The following SIGLEC11 variants were observed in gnomAD, a reference collection of about 807,000 sequenced individuals.
The protein encoded by SIGLEC11 is sialic acid binding Ig like lectin 11, also known as sialic acid-binding Ig-like lectin 11.
SIGLEC11 carries 47 observed loss-of-function variants against 61.2 expected under a neutral mutation model. That is an observed-to-expected ratio of 0.77 (90% CI 0.61 to 0.98). SIGLEC11 has a LOEUF of 0.98. Ranked by LOEUF, SIGLEC11 falls within the 50% of genes least tolerant of loss-of-function variation. The pLI, the probability that SIGLEC11 is intolerant of heterozygous loss-of-function variation, is 0.00. For missense variants in SIGLEC11, 610 were observed against 870.3 expected (o/e 0.70, Z 3.76); for synonymous variants, 278 against 373.1 (o/e 0.75, Z 2.94).
At chr19:49,960,449 T>A (rs372508142) in intron 2 of SIGLEC11, 28 bp from the exon 3 acceptor site, 2 of 1,595,630 alleles carry the variant, frequency 1.3e-6, no homozygotes. Context: ...TGGGAGATTC[T>A]TGTGCTGCAG....
chr19:49,951,693 T>C lies in SIGLEC11; in HGVS notation c.1830+198A>G, dbSNP rs2076158962. 6.6e-6 allele frequency among the ~76,000 whole-genome samples: 1 copy of C among 151,994 alleles called. No individual in the cohort carries two copies. Among genetic ancestry groups the C allele is most frequent in the Non-Finnish European group, 1.5e-5 (1 of 67,964 alleles). On this transcript the variant is annotated intron_variant, in intron 10 of 10. Transcript: ENST00000447370. The surrounding 1 kb of genome is among the most constrained non-coding windows in gnomAD (Gnocchi z 4.6). ...GAGTATGGACAGGCCTGGGGGGCCC[T>C]TGGTTCTGGGAGGGGATGTAGGGAG...
At chr19:49,959,214 A>G (rs2076223241) in intron 5 of SIGLEC11, 137 bp from the exon 6 acceptor site, 4 of 1,429,358 alleles carry the variant, frequency 2.8e-6, no homozygotes, top group Non-Finnish European at 2.8e-6. Flanking sequence ...AGTCCCAGAC[A>G]CAAACTGCAT....
At position 49,950,919 on chromosome 19, in the gene SIGLEC11, G is replaced by C. The variant is rs552101932; in HGVS notation, c.1831-683C>G. Among the ~76,000 whole-genome samples the C allele has an allele frequency of 1.3e-3, 194 of 152,298 alleles. 4 individuals carry two copies. Among genetic ancestry groups the C allele is most frequent in the Non-Finnish European group, 4.6e-4 (31 of 68,014 alleles). On this transcript the variant is annotated intron_variant, in intron 10 of 10. Transcript: ENST00000447370. ...TGAGCTAGGAGCTCAAGAAAGAAAG[G>C]TTACTGGAAGTAAAGGATTCCCCTT...
chr19:49,954,986 A>C (rs2076185951), intron 8 of SIGLEC11, among the ~76,000 whole-genome samples: 1 of 152,206 alleles, frequency 6.6e-6, no homozygotes, highest in African/African-American at 2.4e-5. Context: ...CGAGAGCCCA[A>C]GTCAGTTTTA....
rs2076149660 is a variant in SIGLEC11, at chr19:49,950,124, C to T, written c.1943G>A (p.Ser648Asn). 1 of 1,613,072 alleles carries T rather than the reference C, an allele frequency of 6.2e-7. No individual in the cohort carries two copies. Among genetic ancestry groups the T allele is most frequent in the South Asian group, 1.1e-5 (1 of 90,986 alleles). ...CTCCCAGAGCCTCAGGCCCTGGAAG[C>T]TGAGGGAGGCATAGTGGAGCTCCTG... ...EEQELHYASL[S>N]FQGLRLWEPA... is the part of the protein sequence containing the mutation. Residue 648 changes from serine to asparagine, a missense_variant, in exon 11 of 11, where the codon AGC becomes AAC. Physicochemically the swap from Ser to Asn is conservative, Grantham distance 46. This residue lies in a region of SIGLEC11 where 432 missense variants were observed against 441.5 expected (regional missense o/e 0.98). Transcript: ENST00000447370.
intron 8 of SIGLEC11, among the ~76,000 whole-genome samples, chr19:49,956,648 A>G (rs75314562): frequency 6.6e-6 from 1 of 152,206 alleles, no homozygotes; most frequent in Non-Finnish European, 1.5e-5. Context: ...AAAAGACACA[A>G]ATTAACCCCC....
chr19:49,956,202 G>T (rs73053398), intron 8 of SIGLEC11, among the ~76,000 whole-genome samples: 1 of 152,162 alleles, frequency 6.6e-6, no homozygotes, highest in Non-Finnish European at 1.5e-5. Context: ...CAAGCGTCTG[G>T]CTCTTAAAAA....
At position 49,949,073 on chromosome 19, in the gene SIGLEC11, C is replaced by T. The variant is rs2076140946; in HGVS notation, c.*897G>A. 1 of 152,042 alleles carries T rather than the reference C, an allele frequency of 6.6e-6. No homozygotes were observed. The highest frequency in any genetic ancestry group is 6.6e-5 in the Admixed American group (1 of 15,256). 9.4% of individuals were successfully genotyped at this position (152,042 alleles called of 1,614,324 possible). On this transcript the variant is annotated 3_prime_UTR_variant, in exon 11 of 11. Coordinates refer to ENST00000447370, the MANE Select transcript of SIGLEC11 (RefSeq NM_052884.3). Reference sequence around the variant, plus strand: ...TGGGACGATCTCGGCTCACTGCAACCTCCACCTCCCGGGTTCAACCAATTC... The same window carrying T: ...TGGGACGATCTCGGCTCACTGCAACTTCCACCTCCCGGGTTCAACCAATTC...
rs753455716 is a variant in SIGLEC11 at position 49,960,583 on chromosome 19, G to C, written c.429C>G (p.Phe143Leu). The part of the protein sequence containing the change: ...VERGSRVRHS[F>L]LSNAFFLKVT... ...CTTTTAGAAAGAACGCATTGCTCAG[G>C]AAACTATGTCTCACACGGCTTCCTC... is the stretch of plus-strand genomic sequence containing the variant. Residue 143 changes from phenylalanine to leucine, a missense_variant, in exon 2 of 11, where the codon TTC becomes TTG. Around this residue, in one of 6 missense-constraint regions of SIGLEC11, gnomAD observed 99 missense variants for 131.6 expected, o/e 0.75. Transcript: ENST00000447370. The C allele has an allele frequency of 2.5e-6, 4 of 1,598,320 alleles. No individual in the cohort carries two copies. The highest frequency in any genetic ancestry group is 1.7e-4 in the Middle Eastern group (1 of 6,022).
At position 49,949,996 on chromosome 19, in the gene SIGLEC11, C is replaced by T. The variant is rs753612015; in HGVS notation, c.2071G>A (p.Glu691Lys). 4 of 1,504,192 alleles carry T rather than the reference C, an allele frequency of 2.7e-6. No homozygotes were observed. In the South Asian group the frequency reaches 5.4e-5, roughly 20 times the overall value. 93.2% of individuals were successfully genotyped at this position (1,504,192 alleles called of 1,614,324 possible). A position where few individuals can be genotyped will look rare whatever the true frequency, so the allele number is the denominator to read the frequency against. ...GPGFGLQLER[E>K]MSGMVPK ...CACTTTGGAACCATCCCTGACATCTCCCTCTCCAATTGAAGCCCAAAGCCT... is the reference window on the plus strand; with the variant it reads ...CACTTTGGAACCATCCCTGACATCTTCCTCTCCAATTGAAGCCCAAAGCCT... Residue 691 changes from glutamate (E) to lysine (K), a missense_variant, in exon 11 of 11, where the codon GAG becomes AAG. Physicochemically the swap from Glu to Lys is moderately conservative, Grantham distance 56. Transcript: ENST00000447370.
intron 8 of SIGLEC11, 103 bp downstream of exon 8, chr19:49,958,180 C>T: frequency 6.5e-7 from 1 of 1,536,682 alleles, no homozygotes; most frequent in Non-Finnish European, 8.8e-7. Flanking sequence ...GTCCCCATCC[C>T]TTCCCACCAC....
rs537450322 is a variant in SIGLEC11 at position 49,955,879 on chromosome 19, G to A, written c.1651+2404C>T. On this transcript the variant is annotated intron_variant, in intron 8 of 10. Coordinates refer to ENST00000447370, the MANE Select transcript of SIGLEC11 (RefSeq NM_052884.3). This position sits in a 1 kb window ranked among gnomAD's most constrained non-coding sequence, Gnocchi z 4.5. ...GAACCTGGGAGTTGGAGCTTGCAGT[G>A]AGCAGAGATGGCGCCACTGCACTCC... is the stretch of plus-strand genomic sequence containing the variant. Among the ~76,000 whole-genome samples the A allele has an allele frequency of 4.6e-5, 7 of 150,894 alleles. No homozygotes were observed. Among genetic ancestry groups the A allele is most frequent in the African/African-American group, 1.5e-4 (6 of 40,930 alleles).
chr19:49,958,702 G>C lies in SIGLEC11; in HGVS notation c.1304C>G (p.Thr435Ser), dbSNP rs376222513. The C allele has an allele frequency of 1.8e-5, 29 of 1,612,574 alleles. No individual in the cohort carries two copies. The Admixed American group carries it at 4.5e-4, about 25-fold the overall frequency. The change falls in exon 7 of 11, where the codon ACC becomes AGC. Residue 435 changes from threonine to serine, a missense_variant. Coordinates refer to ENST00000447370, the MANE Select transcript of SIGLEC11 (RefSeq NM_052884.3). ...PIQMEHEGEF[T>S]CHAQHPLGSQ... ...GCCCAGAGGGTGCTGAGCGTGGCAG[G>C]TGAACTCTCCTTCGTGCTCCATTTG...
At position 49,951,873 on chromosome 19, in the gene SIGLEC11, CAG is replaced by C. The variant is rs1318826393; in HGVS notation, c.1830+16_1830+17del. On this transcript the variant is annotated intron_variant, in intron 10 of 10. Coordinates refer to ENST00000447370, the MANE Select transcript of SIGLEC11 (RefSeq NM_052884.3). This position sits in a 1 kb window ranked among gnomAD's most constrained non-coding sequence, Gnocchi z 4.6. ...GGGGAACAGGCAGGGCCCCAGCAGA[CAG>C]AGGCTGGGCTCTCACCTGGGAGATG... 2 of 1,571,340 alleles carry C rather than the reference CAG, an allele frequency of 1.3e-6. No homozygotes were observed. The highest frequency in any genetic ancestry group is 1.7e-6 in the Non-Finnish European group (2 of 1,159,842).
Position 49,960,725 on chromosome 19 carries a change from T to G in SIGLEC11, c.287A>C (p.Glu96Ala), listed in dbSNP as rs9676436. The change falls in exon 2 of 11, where the codon GAA becomes GCA. Residue 96 changes from glutamate (E) to alanine (A), a missense_variant. By Grantham distance (107) the Glu-to-Ala change is moderately radical. Coordinates refer to ENST00000447370, the MANE Select transcript of SIGLEC11 (RefSeq NM_052884.3). Reference protein sequence around the residue: ...VATNNQSREVEMSTRDRFQLT... With the variant: ...VATNNQSREVAMSTRDRFQLT... ...CTGGAATCGGTCCCGGGTGCTCATT[T>G]CCACCTCTCGACTCTGGTTGTTAGT... 549,638 of 1,607,752 alleles carry G rather than the reference T, an allele frequency of 0.34. 74,438 individuals are homozygous for G. Among genetic ancestry groups the G allele is most frequent in the Middle Eastern group, 0.41 (2,453 of 6,050 alleles).
rs144834607 is a variant in SIGLEC11 at position 49,955,827 on chromosome 19, C to A, written c.1651+2456G>T. On this transcript the variant is annotated intron_variant, in intron 8 of 10. Coordinates refer to ENST00000447370, the MANE Select transcript of SIGLEC11 (RefSeq NM_052884.3). This position sits in a 1 kb window ranked among gnomAD's most constrained non-coding sequence, Gnocchi z 4.5. ...GCGGGCGCCTGTAGTCCCAGCTACTCGGGAGGCTGAGGCAGGAGAATGGCG... is the reference window on the plus strand; with the variant it reads ...GCGGGCGCCTGTAGTCCCAGCTACTAGGGAGGCTGAGGCAGGAGAATGGCG... Among the ~76,000 whole-genome samples, 1 of 150,658 alleles carries A rather than the reference C, an allele frequency of 6.6e-6. No individual in the cohort carries two copies. Among genetic ancestry groups the A allele is most frequent in the African/African-American group, 2.4e-5 (1 of 40,870 alleles).
chr19:49,958,136 C>T, intron 8 of SIGLEC11, 147 bp downstream of exon 8: 17 of 1,151,376 alleles, frequency 1.5e-5, no homozygotes, highest in Non-Finnish European at 1.2e-6. Context: ...CCTCAGTTTC[C>T]CGCAACAACT....
In SIGLEC11 at chr19:49,961,086, C is replaced by A. The variant is rs1473232587; in HGVS notation, c.-5G>T. ...CTGGGCCTGTCCCGGGACCATCTGG[C>A]TTCTGGGCCGGCCTGGCTGGGAAGG... On this transcript the variant is annotated 5_prime_UTR_variant, in exon 1 of 11. Coordinates refer to ENST00000447370, the MANE Select transcript of SIGLEC11 (RefSeq NM_052884.3). The A allele has an allele frequency of 7.1e-7, 1 of 1,404,916 alleles. No individual in the cohort carries two copies. Among genetic ancestry groups the A allele is most frequent in the Non-Finnish European group, 9.6e-7 (1 of 1,044,582 alleles). The allele number at this position is 1,404,916 out of a possible 1,614,324, so 87.0% of individuals were successfully genotyped here. A position where few individuals can be genotyped will look rare whatever the true frequency, so the allele number is the denominator to read the frequency against.
chr19:49,953,625 C>T (rs542661311), intron 8 of SIGLEC11, among the ~76,000 whole-genome samples: 11 of 152,180 alleles, frequency 7.2e-5, no homozygotes, highest in Admixed American at 6.5e-5. Context: ...CTGGGTGCTC[C>T]GAGCAAAGTG....
Sources: allele counts gnomAD v4.1 joint callset (sites outside exome capture counted in the v4.1 genomes callset), GRCh38; gene constraint gnomAD v4.1.1; regional missense constraint gnomAD v4.1.1; non-coding constraint Gnocchi (gnomAD v3.1); transcripts MANE v1.5; gene names NCBI Gene and HGNC (gene_info 2026-07-23, HGNC 2026-07-21).